Variants in HMGB1 observed in about 807,000 individuals in gnomAD.
The protein encoded by HMGB1 is high mobility group protein B1.
For missense variants in HMGB1, 79 were observed against 253.5 expected (o/e 0.31, Z 4.67); for synonymous variants, 81 against 84.0 (o/e 0.96, Z 0.19).
chr13:30,568,607 C>T (rs1870294557), intron 1 of HMGB1, among the ~76,000 whole-genome samples: 3 of 152,074 alleles, frequency 2.0e-5, no homozygotes. Context: ...GACATTTGTC[C>T]TTACAAAAGA....
At chr13:30,576,438 T>C (rs1207064364) in intron 1 of HMGB1, among the ~76,000 whole-genome samples, 1 of 152,100 alleles carries the variant, frequency 6.6e-6, no homozygotes, top group Admixed American at 6.5e-5. Flanking sequence ...AGAATACAAA[T>C]TTGATACAAA....
rs141909444 is a variant in HMGB1 at position 30,498,054 on chromosome 13, G to C, written c.-14-34360C>G. ...GCCAAACTGCTTTCCACAGTGGCTG[G>C]ACTAATTTACATTCCTACCAGCAGT... is the stretch of plus-strand genomic sequence containing the variant. On this transcript the variant is annotated intron_variant, in intron 1 of 4. Transcript: ENST00000405805. Among the ~76,000 whole-genome samples, 1,025 of 152,248 alleles carry C rather than the reference G, an allele frequency of 6.7e-3. 6 individuals are homozygous for C. The highest frequency in any genetic ancestry group is 0.02 in the Middle Eastern group (6 of 294).
chr13:30,602,339 A>C (rs1298611160), intron 1 of HMGB1, among the ~76,000 whole-genome samples: 4 of 152,252 alleles, frequency 2.6e-5, no homozygotes, highest in Non-Finnish European at 1.5e-5. Flanking sequence ...CCACATGAAC[A>C]GAACCAGGTG....
At chr13:30,570,545 T>C (rs1870382904) in intron 1 of HMGB1, among the ~76,000 whole-genome samples, 1 of 152,178 alleles carries the variant, frequency 6.6e-6, no homozygotes, top group Non-Finnish European at 1.5e-5. Flanking sequence ...CACATAGGGG[T>C]CTACTTACAT....
intron 1 of HMGB1, among the ~76,000 whole-genome samples, chr13:30,551,642 T>A (rs893247482): frequency 4.6e-5 from 7 of 152,204 alleles, no homozygotes; most frequent in Non-Finnish European, 7.3e-5. Context: ...CCTTTTCTTG[T>A]CTCATTTTTG....
Position 30,507,578 on chromosome 13 carries a change from A to G in HMGB1, c.-14-43884T>C, listed in dbSNP as rs143755856. The stretch of plus-strand genomic sequence containing the variant: ...TAAGGAAGACTAGCACAGCAGAATT[A>G]CTATTTCAAGAAACTACCCCACCTT... On this transcript the variant is annotated intron_variant, in intron 1 of 4. Coordinates refer to the HMGB1 transcript ENST00000405805. Among the ~76,000 whole-genome samples the G allele has an allele frequency of 2.4e-3, 372 of 152,356 alleles. 3 individuals are homozygous for G. Among genetic ancestry groups the G allele is most frequent in the African/African-American group, 8.6e-3 (356 of 41,578 alleles).
intron 1 of HMGB1, among the ~76,000 whole-genome samples, chr13:30,549,191 G>A (rs181083477): frequency 6.6e-6 from 1 of 152,180 alleles, no homozygotes; most frequent in Non-Finnish European, 1.5e-5. Context: ...CAGCTACTCA[G>A]GTGCTCGCTT....
chr13:30,506,020 C>A (rs920716812), intron 1 of HMGB1, among the ~76,000 whole-genome samples: 4 of 152,142 alleles, frequency 2.6e-5, no homozygotes, highest in African/African-American at 9.7e-5. Flanking sequence ...AGCCACTGCA[C>A]CTGGCCTGGA....
chr13:30,560,969 G>A (rs1272156474), intron 1 of HMGB1, among the ~76,000 whole-genome samples: 2 of 150,800 alleles, frequency 1.3e-5, no homozygotes, highest in Non-Finnish European at 2.9e-5. Flanking sequence ...AACAGCATAA[G>A]ATAACAGAGC....
intron 1 of HMGB1, among the ~76,000 whole-genome samples, chr13:30,561,206 C>T (rs1053512019): frequency 5.3e-5 from 8 of 152,030 alleles, no homozygotes; most frequent in Admixed American, 6.6e-5. Context: ...AGCCAATAGA[C>T]GGCAGTATTT....
intron 1 of HMGB1, 47 bp downstream of exon 1, chr13:30,465,749 G>A: frequency 3.1e-6 from 3 of 971,914 alleles, no homozygotes; most frequent in Non-Finnish European, 3.7e-6. Flanking sequence ...GCGGGCTGGG[G>A]AGCTGCCGGA....
chr13:30,569,673 A>C (rs1259758897), intron 1 of HMGB1, among the ~76,000 whole-genome samples: 2 of 152,136 alleles, frequency 1.3e-5, no homozygotes, highest in African/African-American at 2.4e-5. Flanking sequence ...TGATTTCCAA[A>C]GCCCCTGCTC....
At chr13:30,567,981 T>C (rs74043505) in intron 1 of HMGB1, among the ~76,000 whole-genome samples, 1,532 of 152,330 alleles carry the variant, frequency 0.01, 26 homozygotes, top group African/African-American at 0.035. Context: ...AGTTGATTAA[T>C]TGTACCTAGA....
chr13:30,524,332 T>C (rs1888311003), intron 1 of HMGB1, among the ~76,000 whole-genome samples: 1 of 87,254 alleles, frequency 1.1e-5, no homozygotes, highest in Non-Finnish European at 2.1e-5. Flanking sequence ...GAGCTTAAAG[T>C]ATATTAAAAA....
At chr13:30,483,467 CCTG>C (rs1407531764) in intron 1 of HMGB1, among the ~76,000 whole-genome samples, 1 of 152,104 alleles carries the variant, frequency 6.6e-6, no homozygotes, top group African/African-American at 2.4e-5. Context: ...GCCACCTTCT[CCTG>C]CTCACTCTAC....
At position 30,588,647 on chromosome 13, in the gene HMGB1, C is replaced by T. The variant is rs142173889; in HGVS notation, c.-15+28024G>A. 3.6e-3 allele frequency among the ~76,000 whole-genome samples: 546 copies of T among 152,214 alleles called. 2 individuals are homozygous for T. The highest frequency in any genetic ancestry group is 0.011 in the African/African-American group (467 of 41,550). Reference sequence around the variant, plus strand: ...TAAAACACAATTAGGCCGGGTGCAGCGGCTCATGCCTGTAATCCCAGCACT... The same window carrying T: ...TAAAACACAATTAGGCCGGGTGCAGTGGCTCATGCCTGTAATCCCAGCACT... On this transcript the variant is annotated intron_variant, in intron 1 of 4. Transcript: ENST00000405805.
intron 1 of HMGB1, among the ~76,000 whole-genome samples, chr13:30,472,119 A>G (rs1886958494): frequency 6.6e-6 from 1 of 152,078 alleles, no homozygotes; most frequent in South Asian, 2.1e-4. Context: ...CTCTACTAAA[A>G]AGACCAAAAT....
At chr13:30,463,802 T>C (rs1044266291) in intron 1 of HMGB1, 108 bp from the exon 2 acceptor site, 2 of 683,070 alleles carry the variant, frequency 2.9e-6, no homozygotes, top group African/African-American at 1.8e-5. Flanking sequence ...TTTAACACAG[T>C]AGCGACATCA....
chr13:30,472,857 T>A (rs886095317), intron 1 of HMGB1, among the ~76,000 whole-genome samples: 14 of 151,274 alleles, frequency 9.3e-5, no homozygotes, highest in African/African-American at 3.4e-4. Flanking sequence ...TGAAAACTTT[T>A]TTTTTTTTTT....
Sources: gnomAD v4.1 joint callset for allele counts (sites outside exome capture counted in the v4.1 genomes callset) on GRCh38, gnomAD v4.1.1 for gene constraint, MANE v1.5 for transcripts, NCBI Gene and HGNC (gene_info 2026-07-23, HGNC 2026-07-21) for gene names.